The following FTO variants were observed in gnomAD, a reference collection of about 807,000 sequenced individuals.
FTO encodes alpha-ketoglutarate-dependent dioxygenase FTO.
FTO carries 47 observed loss-of-function variants against 63.9 expected under a neutral mutation model. The ratio of observed to expected loss-of-function variants is 0.74; its 90% CI spans 0.58 to 0.94. The LOEUF (loss-of-function observed/expected upper bound fraction) is 0.94. FTO is among the 40% of genes least tolerant of loss of function. The pLI is 0.00. For synonymous variants in FTO, 207 were observed against 224.4 expected, an observed-to-expected ratio of 0.92 and a Z score of 0.69; for missense variants, 562 against 618.1, an observed-to-expected ratio of 0.91 and a Z score of 0.96.
chr16:53,935,653 C>A (rs2082372185), intron 8 of FTO: 1 of 152,188 alleles, frequency 6.6e-6, no homozygotes, highest in Non-Finnish European at 1.5e-5. Context: ...AAGCGATCCT[C>A]TTGCCTTGAC....
intron 7 of FTO, among the ~76,000 whole-genome samples, chr16:53,913,506 G>C (rs2081770220): frequency 6.6e-6 from 1 of 152,162 alleles, no homozygotes; most frequent in Admixed American, 6.5e-5. Context: ...CAACATCAAA[G>C]CCCAGTGACT....
chr16:53,768,330 T>C (rs1050555613), intron 1 of FTO, among the ~76,000 whole-genome samples: 1 of 152,240 alleles, frequency 6.6e-6, no homozygotes. Context: ...TTTTAAATCC[T>C]TTGCAGTTAA....
At chr16:54,004,846 G>A (rs911742098) in intron 8 of FTO, among the ~76,000 whole-genome samples, 18 of 152,056 alleles carry the variant, frequency 1.2e-4, no homozygotes, top group South Asian at 8.3e-4. Flanking sequence ...TGAGGCGAGC[G>A]GATCATGAGG....
chr16:53,935,758 C>T (rs2082375919), intron 8 of FTO: 1 of 152,082 alleles, frequency 6.6e-6, no homozygotes, highest in Non-Finnish European at 1.5e-5. Context: ...TTCCAATTTA[C>T]CTTTCAATAA....
At chr16:53,844,750 G>C (rs1329710352) in intron 4 of FTO, among the ~76,000 whole-genome samples, 1 of 143,888 alleles carries the variant, frequency 6.9e-6, no homozygotes, top group East Asian at 2.1e-4. Context: ...ACCATGCCCG[G>C]CCCAATTAAA....
In FTO at chr16:53,946,264, A is replaced by G. The variant is rs189536026; in HGVS notation, c.1364+12155A>G. ...TTATTTGAATCGTTCCAATGTGTTT[A>G]GAATGTTCAGGACTTCTCAGGTATT... On this transcript the variant is annotated intron_variant, in intron 8 of 8. Transcript: ENST00000471389. Among the ~76,000 whole-genome samples the G allele has an allele frequency of 5.7e-4, 87 of 152,330 alleles. 1 individual carries two copies. The highest frequency in any genetic ancestry group is 5.2e-3 in the Admixed American group (80 of 15,312).
Position 53,913,035 on chromosome 16 carries a change from T to C in FTO, c.1240-20950T>C, listed in dbSNP as rs532715622. 2.0e-5 allele frequency among the ~76,000 whole-genome samples: 3 copies of C among 152,342 alleles called. No homozygotes were observed. The South Asian group carries it at 6.2e-4, about 32-fold the overall frequency. On this transcript the variant is annotated intron_variant, in intron 7 of 8. Coordinates refer to ENST00000471389, the MANE Select transcript of FTO (RefSeq NM_001080432.3). The stretch of plus-strand genomic sequence containing the variant: ...GCTGGGGGTTTTGTGGTAGATTTTC[T>C]TTGATGTATGGGCAGTGGTGGTAAT...
At chr16:53,970,328 G>A (rs948700747) in intron 8 of FTO, among the ~76,000 whole-genome samples, 2 of 152,104 alleles carry the variant, frequency 1.3e-5, no homozygotes, top group African/African-American at 4.8e-5. Context: ...GGTAGCTCAA[G>A]CCTGTAATCC....
chr16:54,006,917 G>C (rs763494035), intron 8 of FTO, among the ~76,000 whole-genome samples: 36 of 152,346 alleles, frequency 2.4e-4, no homozygotes, highest in Middle Eastern at 6.8e-3. Flanking sequence ...GGGGCTGCTA[G>C]CCTGTGGCAG....
intron 8 of FTO, among the ~76,000 whole-genome samples, chr16:54,004,587 G>T (rs148515878): frequency 6.6e-6 from 1 of 152,046 alleles, no homozygotes; most frequent in Non-Finnish European, 1.5e-5. Context: ...ATTATGAAGC[G>T]CCCATGCTAG....
chr16:53,993,738 G>A (rs1353786829), intron 8 of FTO: 3 of 152,060 alleles, frequency 2.0e-5, no homozygotes, highest in Non-Finnish European at 4.4e-5. Context: ...TTGGAAAATG[G>A]GGTGATGTCA....
intron 4 of FTO, among the ~76,000 whole-genome samples, chr16:53,858,251 T>TG (rs1265203075): frequency 6.6e-6 from 1 of 152,194 alleles, no homozygotes; most frequent in African/African-American, 2.4e-5. Context: ...CTTAAACTGA[T>TG]GCCTTCTTTG....
intron 4 of FTO, 66 bp from the exon 5 acceptor site, chr16:53,873,720 A>G: frequency 8.1e-7 from 1 of 1,237,722 alleles, no homozygotes; most frequent in Non-Finnish European, 1.2e-6. Context: ...TGTTTTAGTT[A>G]AATAATATAT....
chr16:54,030,902 A>G (rs1319757287), intron 8 of FTO, among the ~76,000 whole-genome samples: 1 of 152,220 alleles, frequency 6.6e-6, no homozygotes, highest in Non-Finnish European at 1.5e-5. Flanking sequence ...TCCTTCTAAT[A>G]GAAGGGGTTC....
intron 8 of FTO, among the ~76,000 whole-genome samples, chr16:53,964,979 G>A (rs1194163651): frequency 6.6e-6 from 1 of 152,166 alleles, no homozygotes; most frequent in Non-Finnish European, 1.5e-5. Context: ...AGGAAAACCT[G>A]AAAACAAACA....
At chr16:53,820,029 G>A (rs1358377445) in intron 2 of FTO, among the ~76,000 whole-genome samples, 2 of 142,246 alleles carry the variant, frequency 1.4e-5, no homozygotes, top group Non-Finnish European at 3.1e-5. Flanking sequence ...TTTTTTTTGA[G>A]ATGGAGTCTT....
intron 8 of FTO, among the ~76,000 whole-genome samples, chr16:54,089,344 C>T (rs2086324257): frequency 6.6e-6 from 1 of 152,180 alleles, no homozygotes; most frequent in South Asian, 2.1e-4. Context: ...CAACAACTGA[C>T]TTGAGAATGG....
chr16:54,019,795 A>T (rs949042670), intron 8 of FTO, among the ~76,000 whole-genome samples: 7 of 152,136 alleles, frequency 4.6e-5, no homozygotes, highest in Non-Finnish European at 1.0e-4. Flanking sequence ...CTCACTTTCC[A>T]CTTTGAATTA....
intron 1 of FTO, among the ~76,000 whole-genome samples, chr16:53,734,321 C>T (rs753110384): frequency 6.6e-6 from 1 of 152,180 alleles, no homozygotes; most frequent in Non-Finnish European, 1.5e-5. Flanking sequence ...AGATTCCTAG[C>T]ACTGTCATTT....
Sources: allele counts gnomAD v4.1 joint callset (sites outside exome capture counted in the v4.1 genomes callset), GRCh38; gene constraint gnomAD v4.1.1; transcripts MANE v1.5; gene names NCBI Gene and HGNC (gene_info 2026-07-23, HGNC 2026-07-21).